Variants in SRGAP1 observed in about 807,000 individuals in gnomAD.
The protein encoded by SRGAP1 is SLIT-ROBO Rho GTPase-activating protein 1.
SRGAP1 carries 43 observed loss-of-function variants against 121.9 expected under a neutral mutation model. The ratio of observed to expected loss-of-function variants is 0.35; its 90% CI spans 0.28 to 0.46. The LOEUF (loss-of-function observed/expected upper bound fraction) is 0.46. Ranked by LOEUF, SRGAP1 falls within the 20% of genes least tolerant of loss-of-function variation. SRGAP1 has a pLI of 1.00. For synonymous variants in SRGAP1, 447 were observed against 485.4 expected (o/e 0.92, Z 1.04); for missense variants, 1,102 against 1,350.9 (o/e 0.82, Z 2.89).
intron 4 of SRGAP1, chr12:64,039,031 CA>C (rs981623989): frequency 2.0e-5 from 3 of 152,186 alleles, no homozygotes; most frequent in African/African-American, 2.4e-5. Context: ...ATTTTAAACA[CA>C]AAATACATTT....
chr12:63,847,304 CAG>C (rs1898934330), intron 1 of SRGAP1, among the ~76,000 whole-genome samples: 1 of 152,028 alleles, frequency 6.6e-6, no homozygotes, highest in Non-Finnish European at 1.5e-5. Context: ...GTCTGGGTGA[CAG>C]AGTGAGACTC....
chr12:64,017,139 G>A (rs1423937430), intron 4 of SRGAP1, 127 bp downstream of exon 4: 6 of 580,030 alleles, frequency 1.0e-5, no homozygotes, highest in Non-Finnish European at 6.0e-6. Flanking sequence ...TTGAAATACA[G>A]GAACAAGGGA....
In SRGAP1 at chr12:63,949,202, T is replaced by G. The variant is rs924486288; in HGVS notation, c.68-34745T>G. 6.0e-5 allele frequency among the ~76,000 whole-genome samples: 8 copies of G among 132,704 alleles called. 1 individual carries two copies. The highest frequency in any genetic ancestry group is 4.8e-4 in the Admixed American group (6 of 12,388). 87.1% of individuals were successfully genotyped at this position (132,704 alleles called of 152,430 possible). A position where few individuals can be genotyped will look rare whatever the true frequency, so the allele number is the denominator to read the frequency against. ...CCATATATATTTTTTTTTCCATATA[T>G]ATATATATTTTTTCCATATATATAT... On this transcript the variant is annotated intron_variant, in intron 1 of 21. Transcript: ENST00000355086.
intron 2 of SRGAP1, among the ~76,000 whole-genome samples, chr12:63,987,127 A>G (rs2033439554): frequency 6.6e-6 from 1 of 152,192 alleles, no homozygotes; most frequent in Non-Finnish European, 1.5e-5. Context: ...ACTCTTTGAT[A>G]CGATTGATAA....
At chr12:63,868,488 AC>A (rs1433086759) in intron 1 of SRGAP1, among the ~76,000 whole-genome samples, 1 of 151,986 alleles carries the variant, frequency 6.6e-6, no homozygotes, top group Non-Finnish European at 1.5e-5. Flanking sequence ...TGATCCTCCC[AC>A]CTCAGCCTCC....
At chr12:64,129,058 G>GT (rs1191791644) in intron 21 of SRGAP1, among the ~76,000 whole-genome samples, 3 of 151,976 alleles carry the variant, frequency 2.0e-5, no homozygotes, top group Admixed American at 2.0e-4. Flanking sequence ...GAGGTTAGGA[G>GT]TTTGAGACAA....
chr12:63,993,929 T>G (rs950891680), intron 3 of SRGAP1, among the ~76,000 whole-genome samples: 10 of 152,210 alleles, frequency 6.6e-5, no homozygotes, highest in Non-Finnish European at 1.2e-4. Context: ...TATTTTAGAT[T>G]TATGCCTTTA....
chr12:63,917,344 AG>A (rs1479487404), intron 1 of SRGAP1, among the ~76,000 whole-genome samples: 3 of 152,200 alleles, frequency 2.0e-5, no homozygotes, highest in Admixed American at 6.5e-5. Context: ...ACTCCCAGAA[AG>A]ACCTAGGGCT....
intron 3 of SRGAP1, among the ~76,000 whole-genome samples, chr12:63,994,797 C>T (rs1565627758): frequency 6.6e-6 from 1 of 152,198 alleles, no homozygotes; most frequent in Non-Finnish European, 1.5e-5. Context: ...GGCTGATGTG[C>T]CTCTTGCCCT....
chr12:64,036,744 A>G (rs1290118877), intron 4 of SRGAP1, among the ~76,000 whole-genome samples: 1 of 152,246 alleles, frequency 6.6e-6, no homozygotes, highest in Non-Finnish European at 1.5e-5. Context: ...GAAAAGAACA[A>G]TGCCAGATGC....
chr12:64,058,990 A>AGCACCATAGGGGT (rs2035396998), intron 6 of SRGAP1, among the ~76,000 whole-genome samples: 1 of 152,176 alleles, frequency 6.6e-6, no homozygotes, highest in Admixed American at 6.5e-5. Flanking sequence ...TAGACTGACA[A>AGCACCATAGGGGT]GCACCATAGG....
intron 1 of SRGAP1, among the ~76,000 whole-genome samples, chr12:63,869,245 A>G (rs1055287055): frequency 2.0e-5 from 3 of 152,186 alleles, no homozygotes; most frequent in African/African-American, 4.8e-5. Context: ...ACATCATCCC[A>G]TGGCAGAAAG....
At chr12:63,884,223 T>C (rs1900294744) in intron 1 of SRGAP1, among the ~76,000 whole-genome samples, 2 of 151,810 alleles carry the variant, frequency 1.3e-5, no homozygotes, top group South Asian at 4.2e-4. Context: ...GCAGAGGTTG[T>C]AGTGAGCCGA....
intron 21 of SRGAP1, among the ~76,000 whole-genome samples, chr12:64,132,256 A>G (rs1261357720): frequency 2.0e-5 from 3 of 152,218 alleles, no homozygotes; most frequent in African/African-American, 4.8e-5. Context: ...TGATTCACCT[A>G]TGGGGGCCTG....
chr12:63,928,966 C>T (rs914692410), intron 1 of SRGAP1, among the ~76,000 whole-genome samples: 4 of 152,204 alleles, frequency 2.6e-5, no homozygotes, highest in African/African-American at 9.6e-5. Context: ...GGGAAATGGC[C>T]GTAAATACAG....
chr12:63,935,116 C>G (rs540546276), intron 1 of SRGAP1, among the ~76,000 whole-genome samples: 3 of 152,314 alleles, frequency 2.0e-5, no homozygotes, highest in Admixed American at 2.0e-4. Context: ...TTCCACACCA[C>G]TCAACTCCCA....
intron 1 of SRGAP1, among the ~76,000 whole-genome samples, chr12:63,963,787 T>TAA (rs3067618): frequency 6.2e-4 from 94 of 151,340 alleles, no homozygotes; most frequent in Non-Finnish European, 9.4e-4. Context: ...ATTTTAGAAG[T>TAA]AAAAAAAAAT....
chr12:63,985,015 C>CAAA (rs34037288), intron 2 of SRGAP1, among the ~76,000 whole-genome samples: 192 of 108,834 alleles, frequency 1.8e-3, no homozygotes, highest in African/African-American at 6.7e-3. Flanking sequence ...GAGTCCATCT[C>CAAA]AAAAAAAAAA....
intron 1 of SRGAP1, among the ~76,000 whole-genome samples, chr12:63,856,512 C>A (rs1899256600): frequency 6.6e-6 from 1 of 151,458 alleles, no homozygotes; most frequent in Admixed American, 6.6e-5. Flanking sequence ...TGTTAAAGTT[C>A]TTTTCATTTA....
Sources: gnomAD v4.1 joint callset for allele counts (sites outside exome capture counted in the v4.1 genomes callset) on GRCh38, gnomAD v4.1.1 for gene constraint, MANE v1.5 for transcripts, NCBI Gene and HGNC (gene_info 2026-07-23, HGNC 2026-07-21) for gene names.